Variants in ATXN1 observed in about 807,000 individuals in gnomAD.
ATXN1 encodes ataxin-1.
In ATXN1, 8 loss-of-function variants were observed where a neutral mutation model predicts 56.4. The ratio of observed to expected loss-of-function variants is 0.14; its 90% CI spans 0.08 to 0.26. The LOEUF (loss-of-function observed/expected upper bound fraction) is 0.26. Ranked by LOEUF, ATXN1 falls within the 10% of genes least tolerant of loss-of-function variation. The probability of loss-of-function intolerance (pLI) is 1.00; values close to 1 mark genes in which losing one functional copy is unlikely to be tolerated. For synonymous variants in ATXN1, 514 were observed against 494.6 expected (o/e 1.04, Z -0.52); for missense variants, 987 against 1,106.5 (o/e 0.89, Z 1.53).
chr6:16,473,406 T>C (rs1304299510), intron 6 of ATXN1, among the ~76,000 whole-genome samples: 1 of 152,190 alleles, frequency 6.6e-6, no homozygotes, highest in African/African-American at 2.4e-5. Flanking sequence ...AGAGTTATGC[T>C]TAAAGGTGTA....
chr6:16,527,020 T>TAAAA (rs76670120), intron 4 of ATXN1, among the ~76,000 whole-genome samples: 2 of 103,498 alleles, frequency 1.9e-5, no homozygotes, highest in Non-Finnish European at 4.2e-5. Context: ...GGTGAAAACC[T>TAAAA]AAAAAAAAAA....
At chr6:16,733,776 G>A (rs1760047828) in intron 2 of ATXN1, among the ~76,000 whole-genome samples, 1 of 152,258 alleles carries the variant, frequency 6.6e-6, no homozygotes, top group South Asian at 2.1e-4. Context: ...GAATCCGGGA[G>A]GGAGAGGTTA....
At chr6:16,679,266 GAGTT>G (rs1226071321) in intron 2 of ATXN1, among the ~76,000 whole-genome samples, 20 of 145,526 alleles carry the variant, frequency 1.4e-4, no homozygotes, top group Non-Finnish European at 2.7e-4. Context: ...ATGGATGGAT[GAGTT>G]AGTGGGTGGA....
At position 16,466,513 on chromosome 6, in the gene ATXN1, T is replaced by C. The variant is rs1193771441; in HGVS notation, c.-161+19459A>G. 2.0e-5 allele frequency among the ~76,000 whole-genome samples: 3 copies of C among 152,156 alleles called. No individual in the cohort carries two copies. In the South Asian group the frequency reaches 6.2e-4, roughly 32 times the overall value. ...GAGAAAAGGGGGCATATCCAACTGG[T>C]GAAATCGAAGAACTTTCACTCTTAC... On this transcript the variant is annotated intron_variant, in intron 6 of 7. Transcript: ENST00000436367.
intron 4 of ATXN1, among the ~76,000 whole-genome samples, chr6:16,583,914 G>T (rs1431567299): frequency 1.3e-5 from 2 of 151,978 alleles, no homozygotes; most frequent in African/African-American, 4.8e-5. Flanking sequence ...TTATACTATG[G>T]TTCATGCCAA....
chr6:16,654,284 A>G (rs554274005), intron 3 of ATXN1, among the ~76,000 whole-genome samples: 5 of 152,260 alleles, frequency 3.3e-5, no homozygotes, highest in Non-Finnish European at 5.9e-5. Flanking sequence ...AGTGGCTTAC[A>G]CCTGTAATCT....
At chr6:16,516,736 T>C (rs1258578284) in intron 5 of ATXN1, among the ~76,000 whole-genome samples, 1 of 152,250 alleles carries the variant, frequency 6.6e-6, no homozygotes, top group African/African-American at 2.4e-5. Flanking sequence ...TGGTAATGAA[T>C]CATGTCTAAC....
intron 3 of ATXN1, among the ~76,000 whole-genome samples, chr6:16,604,719 G>A (rs948764057): frequency 6.0e-5 from 9 of 150,310 alleles, no homozygotes; most frequent in East Asian, 2.0e-4. Flanking sequence ...CTGAGTAGCC[G>A]GGACCACAGG....
At chr6:16,399,498 C>A (rs1051296980) in intron 6 of ATXN1, among the ~76,000 whole-genome samples, 2 of 152,134 alleles carry the variant, frequency 1.3e-5, no homozygotes, top group African/African-American at 2.4e-5. Context: ...ACAGAAATAG[C>A]GAAAAGAGTG....
rs1758779057 is a variant in ATXN1, at chr6:16,410,722, C to T, written c.-161+75250G>A. Reference sequence around the variant, plus strand: ...AACTACAAGCTTGTCAGAATTACATCTATTCAGGTCATATACAACATCCGT... The same window carrying T: ...AACTACAAGCTTGTCAGAATTACATTTATTCAGGTCATATACAACATCCGT... On this transcript the variant is annotated intron_variant, in intron 6 of 7. Transcript: ENST00000436367. This position sits in a 1 kb window ranked among gnomAD's most constrained non-coding sequence, Gnocchi z 4.6. 6.6e-6 allele frequency among the ~76,000 whole-genome samples: 1 copy of T among 152,296 alleles called. No homozygotes were observed. Among genetic ancestry groups the T allele is most frequent in the South Asian group, 2.1e-4 (1 of 4,826 alleles).
At chr6:16,611,213 C>T (rs1455229746) in intron 3 of ATXN1, among the ~76,000 whole-genome samples, 1 of 151,972 alleles carries the variant, frequency 6.6e-6, no homozygotes. Context: ...AGGAGAATTC[C>T]AAAGGAGAAT....
intron 6 of ATXN1, among the ~76,000 whole-genome samples, chr6:16,424,148 G>A (rs557870922): frequency 6.6e-6 from 1 of 152,304 alleles, no homozygotes; most frequent in East Asian, 1.9e-4. Flanking sequence ...GGTAGACAGA[G>A]GGCAGGTGGC....
chr6:16,754,371 C>T (rs986811984), intron 1 of ATXN1, among the ~76,000 whole-genome samples: 10 of 152,104 alleles, frequency 6.6e-5, no homozygotes, highest in Non-Finnish European at 7.4e-5. Flanking sequence ...CGCCAGGTAA[C>T]AGTAGGAAGA....
rs1052125615 is a variant in ATXN1 at position 16,600,515 on chromosome 6, G to A, written c.-488-14608C>T. 3.9e-5 allele frequency among the ~76,000 whole-genome samples: 6 copies of A among 152,132 alleles called. No individual in the cohort carries two copies. The East Asian group carries it at 1.2e-3, about 29-fold the overall frequency. On this transcript the variant is annotated intron_variant, in intron 3 of 7. Coordinates refer to ENST00000436367, the MANE Select transcript of ATXN1 (RefSeq NM_001128164.2). ...ATGGGTAGCCTAAAAGGAATGCTTT[G>A]AACAGAATGCTTCACTATTGTCTGA... is the stretch of plus-strand genomic sequence containing the variant.
At chr6:16,336,300 T>C (rs1472903028) in intron 6 of ATXN1, among the ~76,000 whole-genome samples, 1 of 152,128 alleles carries the variant, frequency 6.6e-6, no homozygotes, top group African/African-American at 2.4e-5. Flanking sequence ...CAAATATGCC[T>C]ATTTATTTTT....
intron 2 of ATXN1, among the ~76,000 whole-genome samples, chr6:16,750,270 C>CA (rs1398481612): frequency 6.6e-6 from 1 of 152,216 alleles, no homozygotes; most frequent in African/African-American, 2.4e-5. Context: ...TCCATTCCCA[C>CA]AGCACCATGC....
intron 4 of ATXN1, among the ~76,000 whole-genome samples, chr6:16,556,689 C>T (rs1266954153): frequency 1.3e-5 from 2 of 152,164 alleles, no homozygotes; most frequent in Non-Finnish European, 2.9e-5. Flanking sequence ...ACATGAGAAG[C>T]ATCCCATTAA....
At chr6:16,707,661 A>G (rs564922152) in intron 2 of ATXN1, among the ~76,000 whole-genome samples, 8 of 152,320 alleles carry the variant, frequency 5.3e-5, no homozygotes, top group Admixed American at 2.0e-4. Flanking sequence ...TTCTTGCAGG[A>G]AAGAAGGTGG....
intron 2 of ATXN1, among the ~76,000 whole-genome samples, chr6:16,703,900 T>C (rs1195823280): frequency 6.6e-6 from 1 of 152,176 alleles, no homozygotes; most frequent in South Asian, 2.1e-4. Context: ...ACGCCTGTAA[T>C]CCCAGCTACC....
Sources: allele counts gnomAD v4.1 joint callset (sites outside exome capture counted in the v4.1 genomes callset), GRCh38; gene constraint gnomAD v4.1.1; non-coding constraint Gnocchi (gnomAD v3.1); transcripts MANE v1.5; gene names NCBI Gene and HGNC (gene_info 2026-07-23, HGNC 2026-07-21).